ASIC2: variants seen among roughly 807,000 people sequenced by gnomAD.
ASIC2 encodes the protein acid sensing ion channel subunit 2, also known as acid-sensing ion channel 2.
Under a neutral mutation model 57.3 loss-of-function variants are expected in ASIC2, and 25 were observed. The observed-to-expected ratio is 0.44, with a 90% CI of 0.32 to 0.61. The LOEUF is 0.61. Ranked by LOEUF, ASIC2 falls within the 20% of genes least tolerant of loss-of-function variation. ASIC2 has a pLI of 0.06. For synonymous variants in ASIC2, 319 were observed against 307.5 expected (o/e 1.04, Z -0.39); for missense variants, 641 against 738.1 (o/e 0.87, Z 1.52).
chr17:33,116,309 C>T (rs1378154751), intron 1 of ASIC2, among the ~76,000 whole-genome samples: 1 of 152,220 alleles, frequency 6.6e-6, no homozygotes, highest in African/African-American at 2.4e-5. Context: ...TTGCTACAAA[C>T]TTGGAACAAG....
intron 1 of ASIC2, among the ~76,000 whole-genome samples, chr17:33,824,261 G>A (rs1347382160): frequency 2.0e-5 from 3 of 152,236 alleles, no homozygotes; most frequent in African/African-American, 4.8e-5. Flanking sequence ...AGGTAACTCC[G>A]TGTCCTTCAG....
chr17:34,015,872 G>A (rs1024270637), intron 1 of ASIC2, among the ~76,000 whole-genome samples: 10 of 152,126 alleles, frequency 6.6e-5, no homozygotes, highest in Non-Finnish European at 1.5e-4. Context: ...TTAAGATTCA[G>A]TTTCTCTTTT....
At chr17:34,011,222 C>T (rs1182762383) in intron 1 of ASIC2, among the ~76,000 whole-genome samples, 1 of 152,114 alleles carries the variant, frequency 6.6e-6, no homozygotes, top group Non-Finnish European at 1.5e-5. Flanking sequence ...CACAGACCCA[C>T]AGACACACTG....
At chr17:34,071,673 T>C (rs1310679446) in intron 1 of ASIC2, 1 of 151,992 alleles carries the variant, frequency 6.6e-6, no homozygotes, top group Non-Finnish European at 1.5e-5. Context: ...CTACTAAAAA[T>C]ATAAAACTTA....
intron 2 of ASIC2, among the ~76,000 whole-genome samples, chr17:33,099,378 T>C (rs954938026): frequency 2.0e-5 from 3 of 152,146 alleles, no homozygotes; most frequent in Non-Finnish European, 4.4e-5. Flanking sequence ...GTCTACATCA[T>C]AGGAGTGTAT....
chr17:33,026,816 A>T (rs578146893), intron 4 of ASIC2, among the ~76,000 whole-genome samples: 1 of 152,026 alleles, frequency 6.6e-6, no homozygotes, highest in Non-Finnish European at 1.5e-5. Context: ...AAAGTCCACC[A>T]TGTTTTTTTC....
In ASIC2 at chr17:33,787,558, T is replaced by C. The variant is rs887872282; in HGVS notation, c.555+368420A>G. On this transcript the variant is annotated intron_variant, in intron 1 of 9. Transcript: ENST00000359872. ...ATTTTTGAGCCTCTAGAAGGTATCATGTTCTCTAACAGGTGCCAAGGAATG... is the reference window on the plus strand; with the variant it reads ...ATTTTTGAGCCTCTAGAAGGTATCACGTTCTCTAACAGGTGCCAAGGAATG... Among the ~76,000 whole-genome samples the C allele has an allele frequency of 4.6e-5, 7 of 152,220 alleles. No homozygotes were observed. The South Asian group carries it at 1.4e-3, about 31-fold the overall frequency.
intron 1 of ASIC2, among the ~76,000 whole-genome samples, chr17:33,461,508 T>C (rs1254782342): frequency 1.3e-5 from 2 of 152,138 alleles, no homozygotes. Context: ...CTGTGTGATA[T>C]GGTGGAAAGA....
chr17:34,150,005 GAATA>G (rs1182712170), intron 1 of ASIC2, among the ~76,000 whole-genome samples: 2 of 152,136 alleles, frequency 1.3e-5, no homozygotes, highest in African/African-American at 2.4e-5. Context: ...ATTGATAGGT[GAATA>G]AATAAAGATT....
Position 33,291,702 on chromosome 17 carries a change from G to A in ASIC2, c.414C>T (p.Asn138=), listed in dbSNP as rs747527183. The A allele has an allele frequency of 1.9e-6, 3 of 1,613,672 alleles. No individual in the cohort carries two copies. Among genetic ancestry groups the A allele is most frequent in the Admixed American group, 3.3e-5 (2 of 60,032 alleles). Reference sequence around the variant, plus strand: ...AGAGGCGCGGGAAGCGCAGCGGGTTGTTGTTGCACACAGTGACGGCGGGGA... The same window carrying A: ...AGAGGCGCGGGAAGCGCAGCGGGTTATTGTTGCACACAGTGACGGCGGGGA... ...LPFPAVTVCN[N]NPLRFPRLSK... Residue 138 remains asparagine, a synonymous_variant, in exon 1 of 10, where the codon AAC becomes AAT. Coordinates refer to ENST00000225823, the MANE Select transcript of ASIC2 (RefSeq NM_183377.2).
At chr17:33,281,225 A>G (rs115797612) in intron 1 of ASIC2, among the ~76,000 whole-genome samples, 1,604 of 152,326 alleles carry the variant, frequency 0.011, 37 homozygotes, top group African/African-American at 0.037. Flanking sequence ...GCTCTGACCT[A>G]CCCAGAGAGG....
At chr17:34,029,640 T>A (rs1394300047) in intron 1 of ASIC2, among the ~76,000 whole-genome samples, 1 of 152,182 alleles carries the variant, frequency 6.6e-6, no homozygotes, top group Non-Finnish European at 1.5e-5. Context: ...GATAAGACTG[T>A]AGCCTTTTAA....
chr17:33,702,793 C>T (rs538874879), intron 1 of ASIC2, among the ~76,000 whole-genome samples: 2 of 152,162 alleles, frequency 1.3e-5, no homozygotes, highest in African/African-American at 4.8e-5. Context: ...TATGTTGCCT[C>T]CCCTGGAAGT....
intron 1 of ASIC2, among the ~76,000 whole-genome samples, chr17:33,510,679 T>G (rs1159450329): frequency 1.3e-5 from 2 of 152,154 alleles, no homozygotes; most frequent in Admixed American, 6.5e-5. Flanking sequence ...AACAAAGGGC[T>G]TAGTCACACC....
Position 33,292,442 on chromosome 17 carries a change from T to C in ASIC2, c.-327A>G. The stretch of plus-strand genomic sequence containing the variant: ...GGCACTACTTCTGGAGGGGTCCCAC[T>C]GGGAGCCGCCTCTCCAGTCCCTGGG... On this transcript the variant is annotated 5_prime_UTR_variant, in exon 1 of 10. Coordinates refer to ENST00000225823, the MANE Select transcript of ASIC2 (RefSeq NM_183377.2). The C allele has an allele frequency of 2.0e-6, 2 of 985,562 alleles. No individual in the cohort carries two copies. The highest frequency in any genetic ancestry group is 2.4e-6 in the Non-Finnish European group (2 of 830,138). 61.1% of individuals were successfully genotyped at this position (985,562 alleles called of 1,614,324 possible). A position where few individuals can be genotyped will look rare whatever the true frequency, so the allele number is the denominator to read the frequency against.
intron 1 of ASIC2, among the ~76,000 whole-genome samples, chr17:33,875,293 C>A (rs953892252): frequency 6.6e-6 from 1 of 152,116 alleles, no homozygotes; most frequent in African/African-American, 2.4e-5. Context: ...AATAGAAGTC[C>A]CCCTGATGGA....
rs966270717 is a variant in ASIC2 at position 33,651,927 on chromosome 17, A to G, written c.555+504051T>C. Among the ~76,000 whole-genome samples, 5 of 152,314 alleles carry G rather than the reference A, an allele frequency of 3.3e-5. No individual in the cohort carries two copies. The South Asian group carries it at 1.0e-3, about 32-fold the overall frequency. ...TCTGGGAAAGTTTGCACTTGGAGGT[A>G]GATGGGGATGAAGCCAACACATCAT... On this transcript the variant is annotated intron_variant, in intron 1 of 9. Coordinates refer to the ASIC2 transcript ENST00000359872.
At chr17:33,929,224 A>G (rs1915882370) in intron 1 of ASIC2, among the ~76,000 whole-genome samples, 1 of 151,938 alleles carries the variant, frequency 6.6e-6, no homozygotes, top group African/African-American at 2.4e-5. Flanking sequence ...TTCCCCAGTT[A>G]GCTCGCCAGC....
At chr17:34,030,171 G>A (rs1907537637) in intron 1 of ASIC2, among the ~76,000 whole-genome samples, 1 of 152,168 alleles carries the variant, frequency 6.6e-6, no homozygotes, top group Non-Finnish European at 1.5e-5. Context: ...TGAATGTGTT[G>A]CATATAAGCC....
Sources: allele counts gnomAD v4.1 joint callset (sites outside exome capture counted in the v4.1 genomes callset), GRCh38; gene constraint gnomAD v4.1.1; transcripts MANE v1.5; gene names NCBI Gene and HGNC (gene_info 2026-07-23, HGNC 2026-07-21).